Variants in KLHL5 observed in about 807,000 individuals in gnomAD.
KLHL5 encodes kelch like family member 5.
A neutral mutation model predicts 77.7 loss-of-function variants in KLHL5; 48 were observed. The ratio of observed to expected loss-of-function variants is 0.62; its 90% confidence interval spans 0.49 to 0.79. The LOEUF is 0.79. Ranked by LOEUF, KLHL5 falls within the 30% of genes least tolerant of loss-of-function variation. KLHL5 has a pLI of 0.00. For missense variants in KLHL5, 723 were observed against 859.7 expected (o/e 0.84, Z 1.99); for synonymous variants, 260 against 297.0 (o/e 0.88, Z 1.28).
intron 1 of KLHL5, among the ~76,000 whole-genome samples, chr4:39,073,713 C>T (rs1055307422): frequency 3.9e-5 from 6 of 152,002 alleles, no homozygotes; most frequent in African/African-American, 1.4e-4. Context: ...GGTGTGATCT[C>T]AGCTCACCGT....
chr4:39,076,902 C>T (rs935530044), intron 2 of KLHL5, among the ~76,000 whole-genome samples: 11 of 151,272 alleles, frequency 7.3e-5, no homozygotes, highest in African/African-American at 2.7e-4. Context: ...GCAAATGCAA[C>T]AAAAACAAAG....
At chr4:39,061,688 A>G (rs1249917183), upstream of KLHL5, among the ~76,000 whole-genome samples, 1 of 152,228 alleles carries the variant, frequency 6.6e-6, no homozygotes, top group Non-Finnish European at 1.5e-5. Flanking sequence ...GTCCTATCCC[A>G]GTCCCTGGTA....
At chr4:39,084,484 T>G (rs1305085102) in intron 4 of KLHL5, among the ~76,000 whole-genome samples, 2 of 152,214 alleles carry the variant, frequency 1.3e-5, no homozygotes, top group Non-Finnish European at 2.9e-5. Flanking sequence ...AGAAGACTTA[T>G]AAAAAACATT....
At chr4:39,047,966 A>G (rs191295662) in intron 1 of KLHL5, among the ~76,000 whole-genome samples, 14 of 152,278 alleles carry the variant, frequency 9.2e-5, no homozygotes, top group East Asian at 3.9e-4. Context: ...CCCTGAATCT[A>G]TTTCCTTATT....
chr4:39,115,191 T>C lies in KLHL5; in HGVS notation c.1934T>C (p.Val645Ala). 1 of 1,613,396 alleles carries C rather than the reference T, an allele frequency of 6.2e-7. No individual in the cohort carries two copies. Among genetic ancestry groups the C allele is most frequent in the Non-Finnish European group, 8.5e-7 (1 of 1,179,740 alleles). ...CCCAAAACAGACATGTGGACTGCAGTAGCATCCATGAGCATCAGCAGAGAT... is the reference window on the plus strand; with the variant it reads ...CCCAAAACAGACATGTGGACTGCAGCAGCATCCATGAGCATCAGCAGAGAT... ...YDPKTDMWTAVASMSISRDAV... is the reference protein window; with the variant it reads ...YDPKTDMWTAAASMSISRDAV... The change falls in exon 10 of 11, where the codon GTA (valine) becomes GCA (alanine). Residue 645 changes from valine (V) to alanine (A), a missense_variant. Physicochemically the swap from Val to Ala is moderately conservative, Grantham distance 64. This residue lies in a region of KLHL5 where 214 missense variants were observed against 237.4 expected (regional missense o/e 0.90). Transcript: ENST00000504108.
In KLHL5 at chr4:39,124,483, G is replaced by C. The variant is rs1445389486; in HGVS notation, c.*3417G>C. On this transcript the variant is annotated 3_prime_UTR_variant, in exon 11 of 11. Transcript: ENST00000504108. ...TAAAAATATATAAAGCAATAGAGTA[G>C]AATGGAAAGTCCAGAAACAAATTAC... Among the ~76,000 whole-genome samples the C allele has an allele frequency of 6.6e-6, 1 of 152,064 alleles. No individual in the cohort carries two copies. Among genetic ancestry groups the C allele is most frequent in the Non-Finnish European group, 1.5e-5 (1 of 67,978 alleles).
chr4:39,065,425 G>C (rs974312297), intron 1 of KLHL5, among the ~76,000 whole-genome samples: 3 of 150,282 alleles, frequency 2.0e-5, no homozygotes, highest in African/African-American at 4.9e-5. Flanking sequence ...GCGTGATCTC[G>C]GCTTACTGCA....
intron 8 of KLHL5, among the ~76,000 whole-genome samples, chr4:39,109,171 C>T (rs898788332): frequency 4.6e-5 from 7 of 152,098 alleles, no homozygotes; most frequent in African/African-American, 9.7e-5. Flanking sequence ...AAAAAACCAA[C>T]GATGCATCTT....
At chr4:39,048,946 T>C (rs1401846969) in intron 1 of KLHL5, among the ~76,000 whole-genome samples, 2 of 152,006 alleles carry the variant, frequency 1.3e-5, no homozygotes, top group Non-Finnish European at 1.5e-5. Context: ...CTGGTGTACA[T>C]TGGCTCTTCA....
Position 39,081,601 on chromosome 4 carries a change from C to T in KLHL5, c.703+362C>T, listed in dbSNP as rs917787023. Among the ~76,000 whole-genome samples, 4 of 150,932 alleles carry T rather than the reference C, an allele frequency of 2.7e-5. No individual in the cohort carries two copies. Among genetic ancestry groups the T allele is most frequent in the Non-Finnish European group, 4.4e-5 (3 of 67,912 alleles). ...GGATGATCGCTTGAGCCCAGGAGTT[C>T]GATGCTGCAGTGAGCCATTGGTTAC... is the stretch of plus-strand genomic sequence containing the variant. On this transcript the variant is annotated intron_variant, in intron 3 of 10. Coordinates refer to ENST00000504108, the MANE Select transcript of KLHL5 (RefSeq NM_015990.5). The surrounding 1 kb of genome is among the most constrained non-coding windows in gnomAD (Gnocchi z 4.3).
intron 4 of KLHL5, among the ~76,000 whole-genome samples, chr4:39,086,268 G>C (rs1720026309): frequency 6.6e-6 from 1 of 152,066 alleles, no homozygotes; most frequent in Non-Finnish European, 1.5e-5. Flanking sequence ...AAATGTCCTA[G>C]GTCCATTTTT....
chr4:39,103,675 A>T (rs1245896143), intron 7 of KLHL5, among the ~76,000 whole-genome samples, 164 bp downstream of exon 7: 1 of 152,182 alleles, frequency 6.6e-6, no homozygotes, highest in Non-Finnish European at 1.5e-5. Context: ...ATCATAAAAG[A>T]TGAGGCCGGA....
At chr4:39,109,591 A>G (rs11096979) in intron 8 of KLHL5, among the ~76,000 whole-genome samples, 114,575 of 150,898 alleles carry the variant, frequency 0.76, 43,441 homozygotes, top group East Asian at 0.83. Context: ...GAGCCACTGC[A>G]CCTGGCCTAT....
chr4:39,084,066 TC>T (rs937693697), intron 4 of KLHL5, among the ~76,000 whole-genome samples: 1 of 152,184 alleles, frequency 6.6e-6, no homozygotes, highest in African/African-American at 2.4e-5. Flanking sequence ...TTTAAATAAA[TC>T]CCTCCGTAAT....
In KLHL5 at chr4:39,113,242, T is replaced by C; in HGVS notation, c.1901+10T>C. The C allele has an allele frequency of 6.2e-7, 1 of 1,604,360 alleles. No homozygotes were observed. Among genetic ancestry groups the C allele is most frequent in the Middle Eastern group, 1.7e-4 (1 of 5,990 alleles). ...CAGACTGTGTGGAAAGGTAATTTCC[T>C]GGGAAGAAAAACTAGGAACAAAAAA... is the stretch of plus-strand genomic sequence containing the variant. On this transcript the variant is annotated intron_variant, in intron 9 of 10. Transcript: ENST00000504108.
chr4:39,082,049 T>A lies in KLHL5; in HGVS notation c.790T>A (p.Cys264Ser). ...LQLSQVVEAC[C>S]KFLMKQLHPS... ...GCTTTCACAGGTTGTAGAAGCATGC[T>A]GTAAGTTTTTAATGAAACAGCTTCA... Residue 264 changes from cysteine to serine, a missense_variant, in exon 4 of 11, where the codon TGT becomes AGT. This residue lies in a region of KLHL5 where 288 missense variants were observed against 400.3 expected (regional missense o/e 0.72). Transcript: ENST00000504108. The A allele has an allele frequency of 6.2e-7, 1 of 1,614,088 alleles. No homozygotes were observed. The highest frequency in any genetic ancestry group is 8.5e-7 in the Non-Finnish European group (1 of 1,179,962).
chr4:39,125,896 G>C lies in KLHL5; in HGVS notation c.*4830G>C, dbSNP rs1723511769. Among the ~76,000 whole-genome samples the C allele has an allele frequency of 6.6e-6, 1 of 152,072 alleles. No individual in the cohort carries two copies. The highest frequency in any genetic ancestry group is 2.1e-4 in the South Asian group (1 of 4,828). On this transcript the variant is annotated 3_prime_UTR_variant, in exon 11 of 11. Transcript: ENST00000504108. ...ATGATACTTAAATGTCATAACAATA[G>C]CATTCTGTACGCTTCACTAGGATAA...
At chr4:39,044,907 T>C, upstream of KLHL5, 2 of 982,460 alleles carry the variant, frequency 2.0e-6, no homozygotes, top group South Asian at 4.7e-5. Flanking sequence ...TGGCGCCGCC[T>C]GACGGAGCGG....
chr4:39,080,537 T>A (rs568453366), intron 2 of KLHL5, among the ~76,000 whole-genome samples: 6 of 150,774 alleles, frequency 4.0e-5, no homozygotes, highest in African/African-American at 7.3e-5. Flanking sequence ...AAAAAAAAAA[T>A]TATAATTTAA....
Sources: allele counts gnomAD v4.1 joint callset (sites outside exome capture counted in the v4.1 genomes callset), GRCh38; gene constraint gnomAD v4.1.1; regional missense constraint gnomAD v4.1.1; non-coding constraint Gnocchi (gnomAD v3.1); transcripts MANE v1.5; gene names NCBI Gene and HGNC (gene_info 2026-07-23, HGNC 2026-07-21).